Variants in HOXC5 observed in about 807,000 individuals in gnomAD.
HOXC5 encodes the protein homeobox protein Hox-C5.
In HOXC5, 19 loss-of-function variants were observed where a neutral mutation model predicts 20.1. That is an observed-to-expected ratio of 0.94 (90% CI 0.66 to 1.38). The LOEUF (loss-of-function observed/expected upper bound fraction) is 1.38, where lower values mean the gene tolerates loss of function less well. Ranked by LOEUF, HOXC5 falls within the 40% of genes most tolerant of loss-of-function variation. HOXC5 has a pLI of 0.00. For synonymous variants in HOXC5, 124 were observed against 117.0 expected (o/e 1.06, Z -0.39); for missense variants, 330 against 300.1 (o/e 1.10, Z -0.74).
At chr12:54,018,396 A>G in the HOXC5 span, among the ~76,000 whole-genome samples, 1 of 152,160 alleles carries the variant, frequency 6.6e-6, no homozygotes, top group African/African-American at 2.4e-5. Context: ...GGACAGGCCC[A>G]GTCCTCCTGG....
the HOXC5 span, among the ~76,000 whole-genome samples, chr12:54,025,812 C>T: frequency 6.6e-6 from 1 of 152,120 alleles, no homozygotes; most frequent in Non-Finnish European, 1.5e-5. Context: ...AGAGAATCTC[C>T]CCAACTTTGG....
At chr12:54,024,569 T>A in the HOXC5 span, among the ~76,000 whole-genome samples, 4 of 152,066 alleles carry the variant, frequency 2.6e-5, no homozygotes, top group Admixed American at 2.6e-4. Flanking sequence ...CAAATATCCC[T>A]CCCCAGGAAA....
chr12:54,029,397 T>C (rs1940882429), upstream of HOXC5, among the ~76,000 whole-genome samples: 1 of 102,648 alleles, frequency 9.7e-6, no homozygotes, highest in Admixed American at 9.5e-5. Flanking sequence ...GTTTGCCTTT[T>C]GCCCCGCCCC....
chr12:54,034,450 G>C lies in HOXC5; in HGVS notation c.627G>C (p.Lys209Asn), dbSNP rs771739274. 1.2e-6 allele frequency: 2 copies of C among 1,614,278 alleles called. No individual in the cohort carries two copies. The highest frequency in any genetic ancestry group is 2.7e-5 in the African/African-American group (2 of 75,080). ...TCTGGTTCCAGAACCGCAGGATGAA[G>C]TGGAAGAAAGATTCCAAAATGAAAA... ...IKIWFQNRRM[K>N]WKKDSKMKSK... Residue 209 changes from lysine (K) to asparagine (N), a missense_variant, in exon 2 of 2, where the codon AAG becomes AAC. By Grantham distance (94) the Lys-to-Asn change is moderately conservative. Coordinates refer to ENST00000312492, the MANE Select transcript of HOXC5 (RefSeq NM_018953.4).
chr12:54,018,830 A>G, the HOXC5 span, among the ~76,000 whole-genome samples: 1 of 152,070 alleles, frequency 6.6e-6, no homozygotes, highest in Non-Finnish European at 1.5e-5. Flanking sequence ...CTAAGCCAAG[A>G]CACCCCCTCT....
chr12:54,019,540 G>C, the HOXC5 span, among the ~76,000 whole-genome samples: 2 of 152,194 alleles, frequency 1.3e-5, no homozygotes, highest in South Asian at 2.1e-4. Context: ...CATTTTGTCC[G>C]CCCCCGCCCC....
upstream of HOXC5, chr12:54,028,651 G>A (rs370829959): frequency 5.1e-5 from 83 of 1,613,904 alleles, no homozygotes; most frequent in Non-Finnish European, 6.2e-5. Flanking sequence ...TGGAGCGGCC[G>A]TTGCCCAGAA....
chr12:54,018,563 A>G, the HOXC5 span, among the ~76,000 whole-genome samples: 1 of 152,214 alleles, frequency 6.6e-6, no homozygotes, highest in African/African-American at 2.4e-5. Context: ...AACCCGACGC[A>G]TATGGTTTCA....
chr12:54,029,791 C>T (rs754192842), upstream of HOXC5: 1 of 1,614,100 alleles, frequency 6.2e-7, no homozygotes, highest in Non-Finnish European at 8.5e-7. Flanking sequence ...ACGCGCTTTG[C>T]CTGACCGAGC....
the HOXC5 span, chr12:54,020,993 G>T: frequency 1.3e-5 from 2 of 152,398 alleles, no homozygotes; most frequent in East Asian, 3.9e-4. Flanking sequence ...GGCATGGTGG[G>T]GCTGCAAGCA....
At chr12:54,030,546 A>G (rs1940947324), upstream of HOXC5, 1 of 152,680 alleles carries the variant, frequency 6.5e-6, no homozygotes, top group African/African-American at 2.4e-5. Flanking sequence ...GGCATTTTAC[A>G]AACTGTGACC....
upstream of HOXC5, chr12:54,029,643 C>T: frequency 3.1e-6 from 5 of 1,608,156 alleles, no homozygotes; most frequent in Non-Finnish European, 4.3e-6. Context: ...TGTTTTGTGC[C>T]CGGATCTTTA....
the HOXC5 span, among the ~76,000 whole-genome samples, chr12:54,025,440 CG>C: frequency 6.7e-6 from 1 of 150,014 alleles, no homozygotes; most frequent in Non-Finnish European, 1.5e-5. Context: ...CCCCTTGGAG[CG>C]AATCCTTTCA....
chr12:54,028,456 G>A, upstream of HOXC5: 1 of 1,529,690 alleles, frequency 6.5e-7, no homozygotes, highest in Middle Eastern at 1.8e-4. Context: ...ATCTAGTTCC[G>A]AGTACAAACT....
rs1168888417 is a variant in HOXC5, at chr12:54,034,264, G to T, written c.455-14G>T. On this transcript the variant is annotated splice_polypyrimidine_tract_variant and intron_variant, in intron 1 of 1. Transcript: ENST00000312492. ...TTCACCCCTTCCTGGCTTGGGGTGGGGTTTATGTTCCAGAGACGGACGGCA... is the reference window on the plus strand; with the variant it reads ...TTCACCCCTTCCTGGCTTGGGGTGGTGTTTATGTTCCAGAGACGGACGGCA... 2.5e-6 allele frequency: 4 copies of T among 1,609,944 alleles called. No individual in the cohort carries two copies. In the Admixed American group the frequency reaches 5.0e-5, roughly 20 times the overall value.
At chr12:54,029,104 C>A (rs1451403623), upstream of HOXC5, among the ~76,000 whole-genome samples, 6 of 151,494 alleles carry the variant, frequency 4.0e-5, no homozygotes, top group Non-Finnish European at 8.8e-5. Flanking sequence ...CTTGCAGGGG[C>A]CTGGCCCCCT....
intron 1 of HOXC5, 43 bp from the exon 2 acceptor site, chr12:54,034,235 G>T (rs1308074307): frequency 5.9e-6 from 9 of 1,532,632 alleles, no homozygotes; most frequent in Non-Finnish European, 8.1e-6. Flanking sequence ...AACGCTGCAA[G>T]CTATTCACCC....
chr12:54,022,784 C>T, the HOXC5 span, among the ~76,000 whole-genome samples: 3 of 152,160 alleles, frequency 2.0e-5, no homozygotes, highest in Admixed American at 2.0e-4. Flanking sequence ...TATATGACAA[C>T]TCACTGTGAT....
At chr12:54,025,039 A>G in the HOXC5 span, among the ~76,000 whole-genome samples, 1 of 152,148 alleles carries the variant, frequency 6.6e-6, no homozygotes. Context: ...CCCCTTCCGA[A>G]TGCCTGATTT....
Sources: gnomAD v4.1 joint callset for allele counts (sites outside exome capture counted in the v4.1 genomes callset) on GRCh38, gnomAD v4.1.1 for gene constraint, MANE v1.5 for transcripts, NCBI Gene and HGNC (gene_info 2026-07-23, HGNC 2026-07-21) for gene names.